FNDC1: variants seen among roughly 807,000 people sequenced by gnomAD.
The protein encoded by FNDC1 is fibronectin type III domain-containing protein 1.
In FNDC1, 96 loss-of-function variants were observed where a neutral mutation model predicts 168.0. The ratio of observed to expected loss-of-function variants is 0.57; its 90% CI spans 0.48 to 0.68. The LOEUF (loss-of-function observed/expected upper bound fraction) is 0.68. Among genes scored for constraint, FNDC1 ranks in the 30% least tolerant of loss-of-function variants. The probability of loss-of-function intolerance (pLI) is 0.00; values close to 1 mark genes in which losing one functional copy is unlikely to be tolerated. For missense variants in FNDC1, 2,587 were observed against 2,482.1 expected, an observed-to-expected ratio of 1.04 and a Z score of -0.90; for synonymous variants, 1,099 against 1,025.9, an observed-to-expected ratio of 1.07 and a Z score of -1.36.
At chr6:159,222,107 A>G (rs1782839841) in intron 6 of FNDC1, among the ~76,000 whole-genome samples, 1 of 152,212 alleles carries the variant, frequency 6.6e-6, no homozygotes, top group Non-Finnish European at 1.5e-5. Flanking sequence ...TTGCATTAAA[A>G]TGGCATTGAG....
intron 14 of FNDC1, chr6:159,243,158 A>G (rs1017110472): frequency 2.0e-5 from 2 of 100,596 alleles, no homozygotes; most frequent in Non-Finnish European, 2.1e-5. Context: ...TCCATGTCCT[A>G]AAAGCCAGTG....
chr6:159,197,558 G>A lies in FNDC1; in HGVS notation c.237G>A (p.Lys79=). 6.2e-7 allele frequency: 1 copy of A among 1,614,004 alleles called. No homozygotes were observed. The highest frequency in any genetic ancestry group is 1.1e-5 in the South Asian group (1 of 91,080). ...PVEHYNIAYG[K]SLKSLKYIKV... is the part of the protein sequence containing the mutation. ...AGCATTACAACATTGCCTATGGGAA[G>A]TCACTGAAAAGTCTTAAATACATCA... is the stretch of plus-strand genomic sequence containing the variant. Residue 79 remains lysine, a synonymous_variant, in exon 2 of 23, where the codon AAG becomes AAA. Transcript: ENST00000297267.
chr6:159,220,596 T>C (rs62432292), intron 5 of FNDC1, among the ~76,000 whole-genome samples: 3 of 152,178 alleles, frequency 2.0e-5, no homozygotes, highest in South Asian at 2.1e-4. Context: ...ATTTGTAAGA[T>C]AAGAAGGTCA....
chr6:159,271,237 G>T, intron 22 of FNDC1, 90 bp from the exon 23 acceptor site: 3 of 801,228 alleles, frequency 3.7e-6, no homozygotes, highest in South Asian at 3.1e-5. Flanking sequence ...CTTATCAGAG[G>T]CCTTCTGTCT....
intron 1 of FNDC1, among the ~76,000 whole-genome samples, chr6:159,174,878 C>G (rs1781732035): frequency 6.6e-6 from 1 of 152,186 alleles, no homozygotes; most frequent in Non-Finnish European, 1.5e-5. Context: ...CTCCTTGGCC[C>G]TGATGGGTCC....
Position 159,232,937 on chromosome 6 carries a change from C to T in FNDC1, c.2425C>T (p.Arg809Trp), listed in dbSNP as rs538507376. 3.7e-6 allele frequency: 6 copies of T among 1,609,712 alleles called. No homozygotes were observed. The highest frequency in any genetic ancestry group is 1.3e-5 in the African/African-American group (1 of 75,024). Reference sequence around the variant, plus strand: ...GGCGGAGGCCACGGCCCAGACGCTGCGGGCCCGGCCTGCCTCTGGACACTT... The same window carrying T: ...GGCGGAGGCCACGGCCCAGACGCTGTGGGCCCGGCCTGCCTCTGGACACTT... ...RQAEATAQTL[R>W]ARPASGHFHL... is the part of the protein sequence containing the mutation. Residue 809 changes from arginine to tryptophan, a missense_variant, in exon 11 of 23, where the codon CGG (arginine) becomes TGG (tryptophan). Arg to Trp is a moderately radical substitution (Grantham distance 101, BLOSUM62 -3). Transcript: ENST00000297267. This position sits in a 1 kb window ranked among gnomAD's most constrained non-coding sequence, Gnocchi z 4.9.
rs762360389 is a variant in FNDC1, at chr6:159,236,330, T to C, written c.4068+15T>C. ...GAACAAAGTGGGTAGGGTAAACTTC[T>C]TTACACATCCCCGTTGTTTTCATGC... On this transcript the variant is annotated intron_variant, in intron 12 of 22. Coordinates refer to ENST00000297267, the MANE Select transcript of FNDC1 (RefSeq NM_032532.3). 4.5e-6 allele frequency: 7 copies of C among 1,549,628 alleles called. No individual in the cohort carries two copies. The South Asian group carries it at 7.9e-5, about 17-fold the overall frequency.
chr6:159,221,774 A>G lies in FNDC1; in HGVS notation c.766+78A>G, dbSNP rs995013459. On this transcript the variant is annotated intron_variant, in intron 6 of 22. Coordinates refer to ENST00000297267, the MANE Select transcript of FNDC1 (RefSeq NM_032532.3). ...GTTGTTTCCAAATGATGCTGGCTGA[A>G]TGATGAATTACATGAATTTTATTGA... 3.0e-5 allele frequency: 33 copies of G among 1,101,538 alleles called. No homozygotes were observed. The Admixed American group carries it at 5.1e-4, about 17-fold the overall frequency. The allele number at this position is 1,101,538 out of a possible 1,614,324, so 68.2% of individuals were successfully genotyped here.
intron 1 of FNDC1, among the ~76,000 whole-genome samples, chr6:159,178,957 A>G (rs1307771474): frequency 3.3e-5 from 5 of 151,992 alleles, no homozygotes; most frequent in Non-Finnish European, 7.4e-5. Flanking sequence ...ACCTTCCAAT[A>G]GCTCCCTGAC....
Position 159,225,664 on chromosome 6 carries a change from A to G in FNDC1, c.1014A>G (p.Ser338=), listed in dbSNP as rs374517848. 5 of 1,613,868 alleles carry G rather than the reference A, an allele frequency of 3.1e-6. No homozygotes were observed. Among genetic ancestry groups the G allele is most frequent in the South Asian group, 2.2e-5 (2 of 91,068 alleles). ...DTVYEFAVRI[S]QGERDGKWST... Reference sequence around the variant, plus strand: ...TGTATGAATTTGCAGTCCGTATTTCACAGGGTGAAAGAGATGGCAAATGGA... The same window carrying G: ...TGTATGAATTTGCAGTCCGTATTTCGCAGGGTGAAAGAGATGGCAAATGGA... The change falls in exon 8 of 23, where the codon TCA becomes TCG. Residue 338 remains serine, a synonymous_variant. Transcript: ENST00000297267.
At chr6:159,259,521 T>C (rs1777437372) in intron 18 of FNDC1, among the ~76,000 whole-genome samples, 1 of 152,186 alleles carries the variant, frequency 6.6e-6, no homozygotes, top group Non-Finnish European at 1.5e-5. Flanking sequence ...CTTCCCTCCT[T>C]GACGTTGACT....
At chr6:159,182,975 A>G (rs1365573733) in intron 1 of FNDC1, among the ~76,000 whole-genome samples, 3 of 152,204 alleles carry the variant, frequency 2.0e-5, no homozygotes, top group Non-Finnish European at 4.4e-5. Flanking sequence ...CTGTGTGCGG[A>G]GGGAGAATTG....
chr6:159,178,405 T>C (rs888326148), intron 1 of FNDC1, among the ~76,000 whole-genome samples: 1 of 152,178 alleles, frequency 6.6e-6, no homozygotes, highest in Non-Finnish European at 1.5e-5. Flanking sequence ...GTTGTTTAGG[T>C]TGACAGCAGT....
chr6:159,225,741 C>A lies in FNDC1; in HGVS notation c.1072+19C>A. 1 of 1,564,430 alleles carries A rather than the reference C, an allele frequency of 6.4e-7. No individual in the cohort carries two copies. Among genetic ancestry groups the A allele is most frequent in the Non-Finnish European group, 8.7e-7 (1 of 1,147,514 alleles). The stretch of plus-strand genomic sequence containing the variant: ...GAATCTGGTCTGTATTTGAAATGGC[C>A]TTTGAATTTTCAATTTGGGAATTAC... On this transcript the variant is annotated intron_variant, in intron 8 of 22. Coordinates refer to ENST00000297267, the MANE Select transcript of FNDC1 (RefSeq NM_032532.3).
chr6:159,269,295 T>A lies in FNDC1; in HGVS notation c.5569+1369T>A, dbSNP rs1562315846. Among the ~76,000 whole-genome samples, 18 of 129,002 alleles carry A rather than the reference T, an allele frequency of 1.4e-4. 1 individual carries two copies. Among genetic ancestry groups the A allele is most frequent in the Non-Finnish European group, 2.3e-4 (13 of 56,842 alleles). The allele number at this position is 129,002 out of a possible 152,430, so 84.6% of individuals were successfully genotyped here. On this transcript the variant is annotated intron_variant, in intron 22 of 22. Coordinates refer to ENST00000297267, the MANE Select transcript of FNDC1 (RefSeq NM_032532.3). The stretch of plus-strand genomic sequence containing the variant: ...ATCTATCTATCTATCTATCTATCCA[T>A]CCATCCATCTATCCTATCTATTTAT...
intron 12 of FNDC1, among the ~76,000 whole-genome samples, chr6:159,238,115 T>C (rs899623953): frequency 1.1e-5 from 1 of 94,052 alleles, no homozygotes; most frequent in African/African-American, 3.7e-5. Flanking sequence ...TTTTTTTTTT[T>C]GAGACGGAGT....
chr6:159,203,041 T>C (rs9968814), intron 4 of FNDC1, among the ~76,000 whole-genome samples: 17,039 of 152,282 alleles, frequency 0.11, 1,030 homozygotes, highest in Non-Finnish European at 0.14. Flanking sequence ...TGTCCTTGAA[T>C]GGCCTTTCTT....
At chr6:159,228,920 C>A (rs1247968244) in intron 9 of FNDC1, among the ~76,000 whole-genome samples, 1 of 152,182 alleles carries the variant, frequency 6.6e-6, no homozygotes, top group Non-Finnish European at 1.5e-5. Context: ...AAGTCATCTG[C>A]CCGCCTTAGC....
At position 159,233,522 on chromosome 6, in the gene FNDC1, C is replaced by T; in HGVS notation, c.3010C>T (p.Gln1004Ter). 2 of 1,599,402 alleles carry T rather than the reference C, an allele frequency of 1.3e-6. No individual in the cohort carries two copies. The highest frequency in any genetic ancestry group is 1.7e-6 in the Non-Finnish European group (2 of 1,176,414). ...RRMTPGRAPQQQPPPPVATSQ... is the reference protein window; with the variant it reads ...RRMTPGRAPQ The stretch of plus-strand genomic sequence containing the variant: ...GATGACACCCGGCCGGGCCCCACAA[C>T]AGCAGCCCCCTCCTCCCGTCGCCAC... Residue 1004 changes from glutamine (Q) to a stop codon, truncating the protein, a stop_gained, in exon 11 of 23, where the codon CAG (glutamine) becomes TAG (stop). Coordinates refer to ENST00000297267, the MANE Select transcript of FNDC1 (RefSeq NM_032532.3). LOFTEE classifies it high-confidence loss of function. This position sits in a 1 kb window ranked among gnomAD's most constrained non-coding sequence, Gnocchi z 4.6.
Sources: allele counts gnomAD v4.1 joint callset (sites outside exome capture counted in the v4.1 genomes callset), GRCh38; gene constraint gnomAD v4.1.1; non-coding constraint Gnocchi (gnomAD v3.1); transcripts MANE v1.5; gene names NCBI Gene and HGNC (gene_info 2026-07-23, HGNC 2026-07-21).